OSBPL9: variants seen among roughly 807,000 people sequenced by gnomAD.
The protein encoded by OSBPL9 is oxysterol-binding protein-related protein 9.
OSBPL9 carries 40 observed loss-of-function variants against 106.6 expected under a neutral mutation model. That is an observed-to-expected ratio of 0.38 (90% CI 0.29 to 0.49). The LOEUF is 0.49. Among genes scored for constraint, OSBPL9 ranks in the 20% least tolerant of loss-of-function variants. The probability of loss-of-function intolerance (pLI) is 0.97; values close to 1 mark genes in which losing one functional copy is unlikely to be tolerated. For synonymous variants in OSBPL9, 269 were observed against 295.4 expected (o/e 0.91, Z 0.92); for missense variants, 609 against 887.2 (o/e 0.69, Z 3.98).
chr1:51,678,959 G>A (rs1651925612), intron 3 of OSBPL9, among the ~76,000 whole-genome samples: 1 of 152,056 alleles, frequency 6.6e-6, no homozygotes, highest in Non-Finnish European at 1.5e-5. Context: ...ATTTCCCTCT[G>A]TTGTTTCATA....
chr1:51,647,447 T>C (rs1330219291), intron 1 of OSBPL9, among the ~76,000 whole-genome samples: 1 of 152,216 alleles, frequency 6.6e-6, no homozygotes, highest in African/African-American at 2.4e-5. Flanking sequence ...TGGAAAGTGT[T>C]CGCTCTTCTA....
chr1:51,621,972 C>T (rs140094066), intron 1 of OSBPL9, among the ~76,000 whole-genome samples: 63 of 151,402 alleles, frequency 4.2e-4, no homozygotes, highest in African/African-American at 1.4e-3. Context: ...GTTAGCTTGT[C>T]TCTCTATGAT....
At chr1:51,525,069 C>T in the OSBPL9 span, among the ~76,000 whole-genome samples, 1 of 152,162 alleles carries the variant, frequency 6.6e-6, no homozygotes, top group Non-Finnish European at 1.5e-5. Context: ...AAGTAGGGCA[C>T]ATGAGTGTCA....
At chr1:51,731,421 A>G (rs932308851) in intron 4 of OSBPL9, among the ~76,000 whole-genome samples, 1 of 152,190 alleles carries the variant, frequency 6.6e-6, no homozygotes, top group African/African-American at 2.4e-5. Context: ...GCTGCACTCT[A>G]GCCTGGATGA....
intron 4 of OSBPL9, among the ~76,000 whole-genome samples, chr1:51,734,561 C>G (rs929405590): frequency 6.6e-6 from 1 of 152,210 alleles, no homozygotes; most frequent in East Asian, 1.9e-4. Context: ...ATTTATCCTC[C>G]TGGTGAACCT....
At chr1:51,636,149 C>CTT (rs1461058811) in intron 1 of OSBPL9, among the ~76,000 whole-genome samples, 5 of 114,750 alleles carry the variant, frequency 4.4e-5, no homozygotes, top group Admixed American at 9.2e-5. Flanking sequence ...CTCTCTCTCT[C>CTT]TTGTTTTTTT....
At chr1:51,657,038 T>C (rs1429895242) in intron 2 of OSBPL9, among the ~76,000 whole-genome samples, 2 of 152,220 alleles carry the variant, frequency 1.3e-5, no homozygotes, top group Non-Finnish European at 2.9e-5. Context: ...TATTACATGT[T>C]AATTTTTCTG....
At chr1:51,715,727 A>G (rs916400841) in intron 4 of OSBPL9, among the ~76,000 whole-genome samples, 8 of 152,216 alleles carry the variant, frequency 5.3e-5, no homozygotes, top group Non-Finnish European at 1.0e-4. Flanking sequence ...ATACCCCTAC[A>G]TAAACCTAGA....
chr1:51,787,613 A>G, intron 23 of OSBPL9, 102 bp from the exon 24 acceptor site: 2 of 1,599,982 alleles, frequency 1.3e-6, no homozygotes, highest in Middle Eastern at 3.3e-4. Flanking sequence ...CTTGAAACTC[A>G]TTTCAGTCTA....
intron 4 of OSBPL9, among the ~76,000 whole-genome samples, chr1:51,739,892 G>A (rs184792401): frequency 5.5e-4 from 84 of 151,824 alleles, no homozygotes; most frequent in African/African-American, 1.7e-3. Context: ...TTTTTTCATC[G>A]TCAAACCACT....
intron 6 of OSBPL9, 47 bp downstream of exon 6, chr1:51,746,804 C>A: frequency 6.8e-7 from 1 of 1,465,102 alleles, no homozygotes; most frequent in Non-Finnish European, 9.4e-7. Context: ...TTAAATTCAG[C>A]CTTTTGGAGA....
chr1:51,772,244 G>A, intron 13 of OSBPL9, 62 bp downstream of exon 13: 1 of 1,356,542 alleles, frequency 7.4e-7, no homozygotes, highest in South Asian at 1.3e-5. Context: ...CAGATGTGGT[G>A]GCTCATGCCG....
At chr1:51,579,699 A>G (rs976730322) in intron 1 of OSBPL9, among the ~76,000 whole-genome samples, 5 of 151,974 alleles carry the variant, frequency 3.3e-5, no homozygotes, top group Middle Eastern at 6.8e-3. Flanking sequence ...CGTCTCTACA[A>G]AAAATAGAAA....
Position 51,781,621 on chromosome 1 carries a change from T to G in OSBPL9, c.1428+286T>G, listed in dbSNP as rs1406869995. ...TTTTGTTTTGAGAAGATCAATAGAA[T>G]GATTTTGTGAAAAATAAATTGAGAA... On this transcript the variant is annotated intron_variant, in intron 16 of 23. Transcript: ENST00000428468. The G allele has an allele frequency of 2.6e-5, 7 of 265,460 alleles. No homozygotes were observed. The East Asian group carries it at 4.8e-4, about 18-fold the overall frequency. The allele number at this position is 265,460 out of a possible 1,614,324, so 16.4% of individuals were successfully genotyped here. A position where few individuals can be genotyped will look rare whatever the true frequency, so the allele number is the denominator to read the frequency against.
chr1:51,678,043 T>A (rs918812254), intron 3 of OSBPL9, among the ~76,000 whole-genome samples: 1 of 151,108 alleles, frequency 6.6e-6, no homozygotes, highest in Non-Finnish European at 1.5e-5. Context: ...CCCCTGAGCA[T>A]GGTGGCGTGT....
At chr1:51,637,699 A>G (rs945290218) in intron 1 of OSBPL9, among the ~76,000 whole-genome samples, 3 of 152,208 alleles carry the variant, frequency 2.0e-5, no homozygotes, top group African/African-American at 4.8e-5. Flanking sequence ...CAGTATTCCA[A>G]TTTATTAATT....
chr1:51,787,476 G>T lies in OSBPL9; in HGVS notation c.2124G>T (p.Gln708His). The T allele has an allele frequency of 1.2e-6, 2 of 1,614,030 alleles. No individual in the cohort carries two copies. Among genetic ancestry groups the T allele is most frequent in the Non-Finnish European group, 8.5e-7 (1 of 1,179,892 alleles). The change falls in exon 23 of 24, where the codon CAG becomes CAT. Residue 708 changes from glutamine to histidine, a missense_variant. Around this residue, in one of 5 missense-constraint regions of OSBPL9, gnomAD observed 132 missense variants for 158.1 expected, o/e 0.83. Transcript: ENST00000428468. Reference protein sequence around the residue: ...EARERKEKEIQWETRLFHEDG... With the variant: ...EARERKEKEIHWETRLFHEDG... Reference sequence around the variant, plus strand: ...GAGAAAGGAAGGAGAAGGAAATTCAGTGGGAGACAAGGGTAAGCTTGCCTG... The same window carrying T: ...GAGAAAGGAAGGAGAAGGAAATTCATTGGGAGACAAGGGTAAGCTTGCCTG...
At position 51,767,922 on chromosome 1, in the gene OSBPL9, GAATT is replaced by G. The variant is rs549448974; in HGVS notation, c.938+1944_938+1947del. Among the ~76,000 whole-genome samples, 421 of 132,980 alleles carry G rather than the reference GAATT, an allele frequency of 3.2e-3. 3 individuals are homozygous for G. The highest frequency in any genetic ancestry group is 0.011 in the African/African-American group (417 of 36,924). 87.2% of individuals were successfully genotyped at this position (132,980 alleles called of 152,430 possible). ...TTCAGTCATTATTTTATTTAAAAGA[GAATT>G]AAAGACCGTCTTTTTTTTTTTTTTT... On this transcript the variant is annotated intron_variant, in intron 12 of 23. Transcript: ENST00000428468.
At chr1:51,711,809 A>T (rs1463321278) in intron 3 of OSBPL9, among the ~76,000 whole-genome samples, 1 of 148,736 alleles carries the variant, frequency 6.7e-6, no homozygotes, top group Non-Finnish European at 1.5e-5. Context: ...CACATCTCAG[A>T]TGATGGGCGG....
Sources: allele counts gnomAD v4.1 joint callset (sites outside exome capture counted in the v4.1 genomes callset), GRCh38; gene constraint gnomAD v4.1.1; regional missense constraint gnomAD v4.1.1; transcripts MANE v1.5; gene names NCBI Gene and HGNC (gene_info 2026-07-23, HGNC 2026-07-21).